Variants in CAMK1D observed in about 807,000 individuals in gnomAD.
CAMK1D encodes the protein calcium/calmodulin dependent protein kinase ID.
A neutral mutation model predicts 47.7 loss-of-function variants in CAMK1D; 9 were observed. The ratio of observed to expected loss-of-function variants is 0.19; its 90% CI spans 0.11 to 0.33. The LOEUF is 0.33. Among genes scored for constraint, CAMK1D ranks in the 10% least tolerant of loss-of-function variants. The probability of loss-of-function intolerance (pLI) is 1.00; values close to 1 mark genes in which losing one functional copy is unlikely to be tolerated. For synonymous variants in CAMK1D, 184 were observed against 184.9 expected (o/e 0.99, Z 0.04); for missense variants, 291 against 488.7 (o/e 0.60, Z 3.81).
chr10:12,384,228 G>A (rs756990897), intron 1 of CAMK1D, among the ~76,000 whole-genome samples: 5 of 152,142 alleles, frequency 3.3e-5, no homozygotes, highest in Non-Finnish European at 5.9e-5. Flanking sequence ...ATGGAAAGAC[G>A]TCCTGTGTCT....
At chr10:12,702,274 C>G (rs1370872068) in intron 3 of CAMK1D, among the ~76,000 whole-genome samples, 1 of 152,168 alleles carries the variant, frequency 6.6e-6, no homozygotes, top group Non-Finnish European at 1.5e-5. Flanking sequence ...TGAGGTCAAC[C>G]TCGAGGAGGT....
intron 2 of CAMK1D, among the ~76,000 whole-genome samples, chr10:12,559,505 C>T (rs11257888): frequency 0.47 from 71,429 of 151,848 alleles, 18,080 homozygotes; most frequent in Non-Finnish European, 0.58. Context: ...GGAGCTGCTC[C>T]GTATGATGAC....
At chr10:12,734,457 TACAC>T (rs376138489) in intron 3 of CAMK1D, among the ~76,000 whole-genome samples, 137 of 5,104 alleles carry the variant, frequency 0.027, 2 homozygotes, top group East Asian at 0.1. Flanking sequence ...TGTGTATATA[TACAC>T]ATACACATAT....
At chr10:12,631,765 A>G (rs1254359826) in intron 2 of CAMK1D, among the ~76,000 whole-genome samples, 1 of 151,340 alleles carries the variant, frequency 6.6e-6, no homozygotes, top group African/African-American at 2.4e-5. Flanking sequence ...TTCATCATGT[A>G]GGGGCTGTCA....
intron 3 of CAMK1D, among the ~76,000 whole-genome samples, chr10:12,706,698 G>A (rs1833736949): frequency 1.3e-5 from 2 of 151,064 alleles, no homozygotes; most frequent in Non-Finnish European, 2.9e-5. Context: ...CCAAGATTGT[G>A]CCACTGCACT....
chr10:12,687,497 T>C (rs1037168287), intron 3 of CAMK1D, among the ~76,000 whole-genome samples: 1 of 152,214 alleles, frequency 6.6e-6, no homozygotes, highest in Non-Finnish European at 1.5e-5. Flanking sequence ...TTTGTTGTAA[T>C]GTGAAGTGGC....
chr10:12,753,019 G>T (rs1175140113), intron 3 of CAMK1D, among the ~76,000 whole-genome samples: 3 of 152,216 alleles, frequency 2.0e-5, no homozygotes, highest in Non-Finnish European at 2.9e-5. Flanking sequence ...GCTGAGGCAG[G>T]TGGATCACAA....
intron 1 of CAMK1D, among the ~76,000 whole-genome samples, chr10:12,451,330 T>C (rs1436010972): frequency 6.6e-6 from 1 of 152,108 alleles, no homozygotes; most frequent in African/African-American, 2.4e-5. Flanking sequence ...GTGCCCTCCA[T>C]CCCCTCCTGG....
chr10:12,463,705 C>T lies in CAMK1D; in HGVS notation c.93-89520C>T, dbSNP rs1485298588. Among the ~76,000 whole-genome samples the T allele has an allele frequency of 2.6e-5, 4 of 151,856 alleles. No individual in the cohort carries two copies. In the East Asian group the frequency reaches 7.8e-4, roughly 29 times the overall value. ...AGTTGAAGGGGCTGATGTGTATCGC[C>T]CCCTGATATGGTTAGGCTTTATTTC... is the stretch of plus-strand genomic sequence containing the variant. On this transcript the variant is annotated intron_variant, in intron 1 of 10. Coordinates refer to ENST00000619168, the MANE Select transcript of CAMK1D (RefSeq NM_153498.4).
At chr10:12,448,373 T>G (rs1025632999) in intron 1 of CAMK1D, among the ~76,000 whole-genome samples, 1 of 3,870 alleles carries the variant, frequency 2.6e-4, no homozygotes, top group Non-Finnish European at 0.011. Flanking sequence ...TTATTTTAAT[T>G]TTTATTTTTT....
At chr10:12,697,508 C>T (rs555202942) in intron 3 of CAMK1D, among the ~76,000 whole-genome samples, 2 of 152,322 alleles carry the variant, frequency 1.3e-5, no homozygotes, top group East Asian at 1.9e-4. Flanking sequence ...AAGCGATTCT[C>T]CTGCCTCAGC....
chr10:12,575,799 G>A (rs1837473581), intron 2 of CAMK1D, among the ~76,000 whole-genome samples: 1 of 152,128 alleles, frequency 6.6e-6, no homozygotes, highest in African/African-American at 2.4e-5. Flanking sequence ...GCATGTGGCT[G>A]GTTAAATGGA....
At chr10:12,442,595 A>G (rs1460526426) in intron 1 of CAMK1D, among the ~76,000 whole-genome samples, 3 of 152,184 alleles carry the variant, frequency 2.0e-5, no homozygotes, top group Non-Finnish European at 4.4e-5. Flanking sequence ...ATACATAGAC[A>G]CTGTTTTTAG....
At chr10:12,686,384 C>T (rs992055595) in intron 3 of CAMK1D, among the ~76,000 whole-genome samples, 3 of 151,982 alleles carry the variant, frequency 2.0e-5, no homozygotes, top group Non-Finnish European at 4.4e-5. Context: ...TGCAATGGTG[C>T]GATCTCGGCT....
At chr10:12,353,847 G>T (rs1837419483) in intron 1 of CAMK1D, among the ~76,000 whole-genome samples, 1 of 152,016 alleles carries the variant, frequency 6.6e-6, no homozygotes, top group Non-Finnish European at 1.5e-5. Flanking sequence ...AATTAGGAGG[G>T]GTACACATTT....
At chr10:12,642,656 A>G (rs1428847074) in intron 2 of CAMK1D, among the ~76,000 whole-genome samples, 1 of 152,216 alleles carries the variant, frequency 6.6e-6, no homozygotes, top group East Asian at 1.9e-4. Flanking sequence ...GATACCATAA[A>G]TTCATTTTAT....
chr10:12,414,173 C>G (rs1207278324), intron 1 of CAMK1D, among the ~76,000 whole-genome samples: 1 of 152,140 alleles, frequency 6.6e-6, no homozygotes, highest in Admixed American at 6.6e-5. Flanking sequence ...GAAATTTCCT[C>G]CCTCTAAAGA....
chr10:12,606,072 C>T (rs1005173435), intron 2 of CAMK1D, among the ~76,000 whole-genome samples: 4 of 152,260 alleles, frequency 2.6e-5, no homozygotes, highest in Non-Finnish European at 4.4e-5. Context: ...ACTGCAAGCC[C>T]CTTCCTCATG....
chr10:12,429,444 A>G (rs888526229), intron 1 of CAMK1D, among the ~76,000 whole-genome samples: 4 of 151,942 alleles, frequency 2.6e-5, no homozygotes, highest in African/African-American at 9.7e-5. Context: ...GGCTCAAGCA[A>G]TTCTCCTGCC....
Sources: allele counts gnomAD v4.1 joint callset (sites outside exome capture counted in the v4.1 genomes callset), GRCh38; gene constraint gnomAD v4.1.1; transcripts MANE v1.5; gene names NCBI Gene and HGNC (gene_info 2026-07-23, HGNC 2026-07-21).